PRDM16: variants seen among roughly 807,000 people sequenced by gnomAD.
The protein encoded by PRDM16 is histone-lysine N-methyltransferase PRDM16.
In PRDM16, 23 loss-of-function variants were observed where a neutral mutation model predicts 110.6. That is an observed-to-expected ratio of 0.21 (90% confidence interval 0.15 to 0.29). The LOEUF (loss-of-function observed/expected upper bound fraction) is 0.29. Ranked by LOEUF, PRDM16 falls within the 10% of genes least tolerant of loss-of-function variation. The pLI is 1.00. For synonymous variants in PRDM16, 799 were observed against 781.8 expected, an observed-to-expected ratio of 1.02 and a Z score of -0.37; for missense variants, 1,615 against 1,794.3, an observed-to-expected ratio of 0.90 and a Z score of 1.81.
intron 3 of PRDM16, among the ~76,000 whole-genome samples, chr1:3,338,305 C>T (rs1293684680): frequency 2.6e-5 from 4 of 152,244 alleles, no homozygotes; most frequent in Admixed American, 6.5e-5. Context: ...TGAGAAGCCC[C>T]GTGGGGAACA....
rs781709024 is a variant in PRDM16 at position 3,404,903 on chromosome 1, C to A, written c.1032+17C>A. 1 of 1,610,790 alleles carries A rather than the reference C, an allele frequency of 6.2e-7. No individual in the cohort carries two copies. The highest frequency in any genetic ancestry group is 1.3e-5 in the African/African-American group (1 of 74,842). The stretch of plus-strand genomic sequence containing the variant: ...TGCGTGAAGGTAACCTGCGGGGCGG[C>A]CCCGTCTCAGCCCCGGGGCAGCAGG... On this transcript the variant is annotated intron_variant, in intron 7 of 16. Transcript: ENST00000270722.
intron 3 of PRDM16, among the ~76,000 whole-genome samples, chr1:3,284,470 G>A (rs776427648): frequency 2.0e-5 from 3 of 152,182 alleles, no homozygotes; most frequent in African/African-American, 4.8e-5. Context: ...TTTGTTTCCC[G>A]GTGGCCTAGG....
intron 3 of PRDM16, among the ~76,000 whole-genome samples, chr1:3,321,140 G>C (rs1447259819): frequency 6.6e-6 from 1 of 152,216 alleles, no homozygotes. Flanking sequence ...CAGAGGGATC[G>C]GAGAAGTTGG....
chr1:3,121,933 C>G (rs910970051), intron 1 of PRDM16, among the ~76,000 whole-genome samples: 1 of 152,236 alleles, frequency 6.6e-6, no homozygotes, highest in African/African-American at 2.4e-5. Flanking sequence ...AAAGCAAATC[C>G]CGCTCTAATC....
Position 3,209,990 on chromosome 1 carries a change from T to C in PRDM16, c.387+23516T>C, listed in dbSNP as rs896860667. On this transcript the variant is annotated intron_variant, in intron 2 of 16. Transcript: ENST00000270722. This position sits in a 1 kb window ranked among gnomAD's most constrained non-coding sequence, Gnocchi z 4.6. ...TCTAGAGACATTTGCAGGAAGGTAT[T>C]TGACACATTAAAGCCAATTTTCTTT... is the stretch of plus-strand genomic sequence containing the variant. Among the ~76,000 whole-genome samples the C allele has an allele frequency of 3.3e-5, 5 of 152,228 alleles. No individual in the cohort carries two copies. The highest frequency in any genetic ancestry group is 1.3e-4 in the Admixed American group (2 of 15,282).
chr1:3,400,159 C>G (rs1296327019), intron 5 of PRDM16, among the ~76,000 whole-genome samples: 1 of 152,254 alleles, frequency 6.6e-6, no homozygotes, highest in Non-Finnish European at 1.5e-5. Context: ...CATGGGCAGG[C>G]TGCAGGCCCA....
Position 3,183,908 on chromosome 1 carries a change from G to T in PRDM16, c.38-2217G>T, listed in dbSNP as rs948555779. 3.3e-5 allele frequency among the ~76,000 whole-genome samples: 5 copies of T among 152,294 alleles called. No individual in the cohort carries two copies. The South Asian group carries it at 1.0e-3, about 32-fold the overall frequency. On this transcript the variant is annotated intron_variant, in intron 1 of 16. Coordinates refer to ENST00000270722, the MANE Select transcript of PRDM16 (RefSeq NM_022114.4). Reference sequence around the variant, plus strand: ...ACGCCCGAGAGGAGTTAAGGAGCGCGTCGAGGGGGCTTCGGCCTCCAACCC... The same window carrying T: ...ACGCCCGAGAGGAGTTAAGGAGCGCTTCGAGGGGGCTTCGGCCTCCAACCC...
At chr1:3,181,796 A>ACACATGCG (rs1644206480) in intron 1 of PRDM16, among the ~76,000 whole-genome samples, 3 of 134,620 alleles carry the variant, frequency 2.2e-5, no homozygotes, top group Non-Finnish European at 3.2e-5. Flanking sequence ...TTACACATGC[A>ACACATGCG]GTCTTACACA....
chr1:3,330,633 C>T (rs1642023186), intron 3 of PRDM16, among the ~76,000 whole-genome samples: 1 of 152,234 alleles, frequency 6.6e-6, no homozygotes, highest in Non-Finnish European at 1.5e-5. Flanking sequence ...CACCTCAAAT[C>T]CCAAGGCAAT....
At chr1:3,252,452 T>A (rs1639955423) in intron 3 of PRDM16, among the ~76,000 whole-genome samples, 1 of 148,496 alleles carries the variant, frequency 6.7e-6, no homozygotes, top group South Asian at 2.1e-4. Context: ...CTGGGGAGAG[T>A]GAGGGCCTCA....
At chr1:3,125,343 G>A (rs1362973552) in intron 1 of PRDM16, among the ~76,000 whole-genome samples, 9 of 152,240 alleles carry the variant, frequency 5.9e-5, no homozygotes. Context: ...CTGATTGGAT[G>A]GGCAAAGAGG....
At chr1:3,150,134 C>A (rs897429570) in intron 1 of PRDM16, among the ~76,000 whole-genome samples, 1 of 152,206 alleles carries the variant, frequency 6.6e-6, no homozygotes, top group Non-Finnish European at 1.5e-5. Context: ...AACGCACAGG[C>A]GAACTTTACA....
intron 3 of PRDM16, among the ~76,000 whole-genome samples, chr1:3,356,177 G>T (rs898350237): frequency 2.6e-5 from 4 of 152,196 alleles, no homozygotes; most frequent in African/African-American, 2.4e-5. Context: ...ACGTCCTTTC[G>T]CACACCAGCA....
chr1:3,393,225 G>T (rs1643325462), intron 4 of PRDM16, among the ~76,000 whole-genome samples: 1 of 152,242 alleles, frequency 6.6e-6, no homozygotes. Context: ...CAGCATAGCG[G>T]AGGCGAGTGT....
intron 8 of PRDM16, 76 bp downstream of exon 8, chr1:3,405,724 C>A: frequency 7.1e-7 from 1 of 1,415,668 alleles, no homozygotes; most frequent in Non-Finnish European, 9.4e-7. Context: ...GGTGGGCCAT[C>A]CCCCAAGGTC....
chr1:3,116,496 G>A (rs577249458), intron 1 of PRDM16, among the ~76,000 whole-genome samples: 1 of 152,132 alleles, frequency 6.6e-6, no homozygotes, highest in East Asian at 1.9e-4. Flanking sequence ...CAAGCCGCAG[G>A]TCCTGGTCTG....
chr1:3,352,806 C>G (rs1642520108), intron 3 of PRDM16, among the ~76,000 whole-genome samples: 1 of 152,160 alleles, frequency 6.6e-6, no homozygotes, highest in African/African-American at 2.4e-5. Flanking sequence ...CAACTCATCC[C>G]CCTCCCAAAT....
At chr1:3,092,529 G>C (rs952154328) in intron 1 of PRDM16, among the ~76,000 whole-genome samples, 2 of 152,224 alleles carry the variant, frequency 1.3e-5, no homozygotes, top group Non-Finnish European at 1.5e-5. Flanking sequence ...AAAATGTACT[G>C]TTTAGTTAGA....
chr1:3,187,113 G>A (rs1482740417), intron 2 of PRDM16, among the ~76,000 whole-genome samples: 1 of 152,202 alleles, frequency 6.6e-6, no homozygotes, highest in Non-Finnish European at 1.5e-5. Flanking sequence ...CCCTGGGACG[G>A]CTCTGAGAGG....
Sources: gnomAD v4.1 joint callset for allele counts (sites outside exome capture counted in the v4.1 genomes callset) on GRCh38, gnomAD v4.1.1 for gene constraint, Gnocchi (gnomAD v3.1) non-coding constraint, MANE v1.5 for transcripts, NCBI Gene and HGNC (gene_info 2026-07-23, HGNC 2026-07-21) for gene names.